A1CF: variants seen among roughly 807,000 people sequenced by gnomAD.
A1CF encodes APOBEC-1 stimulating protein.
In A1CF, 48 loss-of-function variants were observed where a neutral mutation model predicts 68.9. That is an observed-to-expected ratio of 0.70 (90% CI 0.55 to 0.89). The LOEUF is 0.89. A1CF is among the 40% of genes least tolerant of loss of function. A1CF has a pLI of 0.00. For synonymous variants in A1CF, 272 were observed against 260.4 expected (o/e 1.04, Z -0.43); for missense variants, 653 against 718.9 (o/e 0.91, Z 1.05).
intron 2 of A1CF, among the ~76,000 whole-genome samples, chr10:50,863,630 G>A (rs1840844195): frequency 6.6e-6 from 1 of 152,082 alleles, no homozygotes; most frequent in Non-Finnish European, 1.5e-5. Context: ...GAGTTTTACA[G>A]GGGATGAGAG....
intron 3 of A1CF, chr10:50,850,769 C>T: frequency 4.3e-6 from 7 of 1,614,000 alleles, no homozygotes; most frequent in Non-Finnish European, 5.9e-6. Context: ...GGGCATGTGC[C>T]CAGACACACT....
At chr10:50,822,126 C>A (rs1316350475) in intron 7 of A1CF, among the ~76,000 whole-genome samples, 2 of 151,974 alleles carry the variant, frequency 1.3e-5, no homozygotes, top group Admixed American at 1.3e-4. Context: ...CCCAAACAAA[C>A]CAACTATCTA....
At chr10:50,832,269 C>A (rs1175519153) in intron 6 of A1CF, among the ~76,000 whole-genome samples, 1 of 152,126 alleles carries the variant, frequency 6.6e-6, no homozygotes, top group Non-Finnish European at 1.5e-5. Flanking sequence ...GTGTTAATAC[C>A]ATGGAAACTG....
intron 1 of A1CF, among the ~76,000 whole-genome samples, chr10:50,866,874 T>G (rs1285458752): frequency 6.6e-6 from 1 of 152,094 alleles, no homozygotes; most frequent in African/African-American, 2.4e-5. Flanking sequence ...GAGTAATATA[T>G]GTATATAAGT....
At chr10:50,845,940 C>A (rs578051808) in intron 3 of A1CF, among the ~76,000 whole-genome samples, 45 of 136,462 alleles carry the variant, frequency 3.3e-4, no homozygotes, top group African/African-American at 1.1e-3. Context: ...GGTGATAGAG[C>A]AAGACTCTGT....
At chr10:50,872,318 C>CA (rs1462671904) in intron 1 of A1CF, among the ~76,000 whole-genome samples, 1 of 152,092 alleles carries the variant, frequency 6.6e-6, no homozygotes. Flanking sequence ...ATTTAATCCT[C>CA]ATAAAAGCTC....
chr10:50,876,383 G>C (rs534797672), intron 1 of A1CF, among the ~76,000 whole-genome samples: 9 of 152,280 alleles, frequency 5.9e-5, no homozygotes, highest in Middle Eastern at 6.8e-3. Flanking sequence ...TCAGAAACAG[G>C]AATACTCATA....
intron 8 of A1CF, among the ~76,000 whole-genome samples, chr10:50,820,225 T>C (rs534490262): frequency 2.6e-5 from 4 of 152,316 alleles, no homozygotes; most frequent in Admixed American, 2.6e-4. Context: ...AAAATGATGA[T>C]AATCTCTTTG....
In A1CF at chr10:50,860,704, T is replaced by C. The variant is rs1840703976; in HGVS notation, c.-45-719A>G. On this transcript the variant is annotated intron_variant, in intron 2 of 12. Transcript: ENST00000373997. Reference sequence around the variant, plus strand: ...TCACGTTTGTGTGTACAGATATAAATGTATAATTTCAGCATTTCATTGTCT... The same window carrying C: ...TCACGTTTGTGTGTACAGATATAAACGTATAATTTCAGCATTTCATTGTCT... Among the ~76,000 whole-genome samples, 4 of 152,194 alleles carry C rather than the reference T, an allele frequency of 2.6e-5. No homozygotes were observed. The South Asian group carries it at 8.3e-4, about 31-fold the overall frequency.
At position 50,867,352 on chromosome 10, in the gene A1CF, G is replaced by T. The variant is rs376314622; in HGVS notation, c.-93-3272C>A. 3.4e-4 allele frequency among the ~76,000 whole-genome samples: 52 copies of T among 152,012 alleles called. 2 individuals carry two copies. The South Asian group carries it at 9.8e-3, about 29-fold the overall frequency. On this transcript the variant is annotated intron_variant, in intron 1 of 12. Transcript: ENST00000373997. ...TAGAATTTTATTCAGCCATGAAAAA[G>T]AATGAAATTCTTTTATTTTATTTTA...
chr10:50,813,980 A>T lies in A1CF; in HGVS notation c.1200T>A (p.Gly400=), dbSNP rs1490549588. 6.2e-7 allele frequency: 1 copy of T among 1,613,764 alleles called. No individual in the cohort carries two copies. The highest frequency in any genetic ancestry group is 2.2e-5 in the East Asian group (1 of 44,854). ...GRGYLAYTGL[G]RGYQVKGDKR... ...TGTCTCCTTTGACCTGGTATCCTCG[A>T]CCCAGGCCTGTGTATGCCAAATAGC... Residue 400 remains glycine, a synonymous_variant, in exon 10 of 13, where the codon GGT becomes GGA. Coordinates refer to ENST00000373997, the MANE Select transcript of A1CF (RefSeq NM_014576.4).
At chr10:50,816,649 G>A (rs1838386673) in intron 8 of A1CF, among the ~76,000 whole-genome samples, 1 of 152,212 alleles carries the variant, frequency 6.6e-6, no homozygotes, top group Admixed American at 6.5e-5. Context: ...GACAATTTAG[G>A]TTTGTTATGG....
intron 1 of A1CF, among the ~76,000 whole-genome samples, chr10:50,871,092 A>G (rs1056254977): frequency 5.9e-5 from 9 of 151,782 alleles, no homozygotes; most frequent in African/African-American, 2.2e-4. Context: ...CCTTAAATTG[A>G]TAAAGAGCAT....
At position 50,816,266 on chromosome 10, in the gene A1CF, G is replaced by A. The variant is rs1164386515; in HGVS notation, c.881C>T (p.Ser294Phe). The A allele has an allele frequency of 1.3e-5, 21 of 1,613,220 alleles. No homozygotes were observed. Among genetic ancestry groups the A allele is most frequent in the Admixed American group, 6.7e-5 (4 of 59,922 alleles). ...TTTTGCTAGGGTGACTTCAATGGGG[G>A]AACCATCCAGCACCTGTTGTAGAGA... ...KALNGKVLDG[S>F]PIEVTLAKPV... Residue 294 changes from serine (S) to phenylalanine (F), a missense_variant, in exon 9 of 13, where the codon TCC becomes TTC. Physicochemically the swap from Ser to Phe is radical, Grantham distance 155 (BLOSUM62 -2). Coordinates refer to ENST00000373997, the MANE Select transcript of A1CF (RefSeq NM_014576.4).
At chr10:50,841,631 A>G (rs890383847) in intron 5 of A1CF, among the ~76,000 whole-genome samples, 1 of 152,246 alleles carries the variant, frequency 6.6e-6, no homozygotes, top group Non-Finnish European at 1.5e-5. Flanking sequence ...AAACAGGCAA[A>G]TTATTAAGTT....
At chr10:50,858,796 C>G (rs2132522738) in intron 3 of A1CF, among the ~76,000 whole-genome samples, 1 of 151,952 alleles carries the variant, frequency 6.6e-6, no homozygotes, top group Non-Finnish European at 1.5e-5. Flanking sequence ...ATTAAAAAAA[C>G]TAATATGTCA....
intron 3 of A1CF, among the ~76,000 whole-genome samples, chr10:50,847,872 G>A (rs12257587): frequency 0.01 from 1,586 of 152,202 alleles, 38 homozygotes; most frequent in African/African-American, 0.036. Context: ...ACAATTATGT[G>A]ATGTGGTTTT....
At position 50,805,248 on chromosome 10, in the gene A1CF, T is replaced by A. The variant is rs529271603; in HGVS notation, c.*1481A>T. ...TTCCTTTGTGTTCTGTAAATTTTTT[T>A]AAGGGCCAAGGGATTTTAAAAAATG... is the stretch of plus-strand genomic sequence containing the variant. On this transcript the variant is annotated 3_prime_UTR_variant, in exon 13 of 13. Transcript: ENST00000373997. 45 of 152,358 alleles carry A rather than the reference T, an allele frequency of 3.0e-4. No homozygotes were observed. Among genetic ancestry groups the A allele is most frequent in the African/African-American group, 1.1e-3 (45 of 41,594 alleles). 9.4% of individuals were successfully genotyped at this position (152,358 alleles called of 1,614,324 possible). A position where few individuals can be genotyped will look rare whatever the true frequency, so the allele number is the denominator to read the frequency against.
chr10:50,864,334 G>A, intron 1 of A1CF, among the ~76,000 whole-genome samples: 1 of 152,126 alleles, frequency 6.6e-6, no homozygotes, highest in East Asian at 1.9e-4. Context: ...GCAGAGTAGA[G>A]GAACAGCAAA....
Sources: gnomAD v4.1 joint callset for allele counts (sites outside exome capture counted in the v4.1 genomes callset) on GRCh38, gnomAD v4.1.1 for gene constraint, MANE v1.5 for transcripts, NCBI Gene and HGNC (gene_info 2026-07-23, HGNC 2026-07-21) for gene names.